The following BRD10 variants were observed in gnomAD, a reference collection of about 807,000 sequenced individuals.
BRD10 encodes the protein uncharacterized bromodomain-containing protein 10.
At chr9:5,986,775 T>G in the BRD10 span, among the ~76,000 whole-genome samples, 2 of 152,234 alleles carry the variant, frequency 1.3e-5, no homozygotes, top group Non-Finnish European at 2.9e-5. Context: ...TATTCTCCCA[T>G]GTTTATTTGA....
At chr9:5,938,922 GCTTA>G in the BRD10 span, among the ~76,000 whole-genome samples, 1 of 152,034 alleles carries the variant, frequency 6.6e-6, no homozygotes, top group Non-Finnish European at 1.5e-5. Context: ...AGTAATTAGG[GCTTA>G]CTGAGAACTC....
the BRD10 span, among the ~76,000 whole-genome samples, chr9:5,997,980 A>G: frequency 1.1e-4 from 16 of 152,340 alleles, no homozygotes; most frequent in East Asian, 2.7e-3. Context: ...AAGTGGTAAC[A>G]ATAGAAAGAA....
the BRD10 span, among the ~76,000 whole-genome samples, chr9:5,914,440 T>TTTG: frequency 2.1e-5 from 2 of 96,648 alleles, no homozygotes; most frequent in Non-Finnish European, 2.3e-5. Context: ...TTTTTTTTTT[T>TTTG]TGAGACGGAG....
At chr9:5,897,550 G>C in the BRD10 span, 2 of 1,613,064 alleles carry the variant, frequency 1.2e-6, no homozygotes, top group African/African-American at 1.3e-5. Flanking sequence ...TCTATCTCTT[G>C]GGCCAGGGCC....
the BRD10 span, among the ~76,000 whole-genome samples, chr9:6,005,440 G>C: frequency 6.6e-6 from 1 of 152,214 alleles, no homozygotes; most frequent in African/African-American, 2.4e-5. Context: ...GGGAGGCGGA[G>C]GTTGCAGTGA....
At chr9:6,007,416 C>T in the BRD10 span, 1 of 1,607,506 alleles carries the variant, frequency 6.2e-7, no homozygotes, top group African/African-American at 1.3e-5. Context: ...CGCGACCGCC[C>T]CGGCCCCCGC....
At chr9:5,981,647 T>TCTATCTAA in the BRD10 span, among the ~76,000 whole-genome samples, 165 of 150,830 alleles carry the variant, frequency 1.1e-3, 30 homozygotes, top group Admixed American at 2.4e-3. Context: ...TATCTATCTA[T>TCTATCTAA]TTTAATCTAT....
chr9:5,956,354 G>C, the BRD10 span, among the ~76,000 whole-genome samples: 37 of 152,094 alleles, frequency 2.4e-4, no homozygotes, highest in African/African-American at 8.4e-4. Flanking sequence ...GGAAATTGGA[G>C]GTAATGTTAC....
the BRD10 span, among the ~76,000 whole-genome samples, chr9:5,892,182 C>G: frequency 6.6e-6 from 1 of 152,190 alleles, no homozygotes; most frequent in African/African-American, 2.4e-5. Context: ...CAAATAATAA[C>G]TCAACTTGCA....
chr9:5,958,522 C>A, the BRD10 span, among the ~76,000 whole-genome samples: 4 of 152,156 alleles, frequency 2.6e-5, no homozygotes, highest in African/African-American at 9.7e-5. Context: ...GTGATCCCAG[C>A]TCGCCTGTGG....
At chr9:5,938,872 G>C in the BRD10 span, among the ~76,000 whole-genome samples, 1 of 152,026 alleles carries the variant, frequency 6.6e-6, no homozygotes, top group Non-Finnish European at 1.5e-5. Flanking sequence ...CTAATTTTAA[G>C]AATAATTTAG....
chr9:5,982,102 G>C, the BRD10 span, among the ~76,000 whole-genome samples: 201 of 152,066 alleles, frequency 1.3e-3, no homozygotes, highest in African/African-American at 4.7e-3. Context: ...GAAGGTTAAA[G>C]ACATGCAAAA....
chr9:5,900,772 A>C, the BRD10 span, among the ~76,000 whole-genome samples: 1 of 152,354 alleles, frequency 6.6e-6, no homozygotes, highest in South Asian at 2.1e-4. Context: ...TAGCAACAGG[A>C]AGTGGGAAAT....
At chr9:6,001,717 A>C in the BRD10 span, among the ~76,000 whole-genome samples, 2 of 152,216 alleles carry the variant, frequency 1.3e-5, no homozygotes, top group African/African-American at 4.8e-5. Context: ...AACCTAGCTC[A>C]AAAACTACAA....
chr9:5,968,077 C>A, the BRD10 span: 3 of 1,558,710 alleles, frequency 1.9e-6, no homozygotes, highest in South Asian at 1.2e-5. Flanking sequence ...TATTCTGGAT[C>A]TCAGGTTTGT....
the BRD10 span, chr9:6,007,125 C>A: frequency 6.7e-7 from 1 of 1,494,232 alleles, no homozygotes; most frequent in Non-Finnish European, 9.2e-7. Context: ...TGGCCCAGCC[C>A]ATCCTCGGGC....
chr9:5,920,023 C>T, the BRD10 span: 1 of 1,613,958 alleles, frequency 6.2e-7, no homozygotes, highest in East Asian at 2.2e-5. Flanking sequence ...GAACAGGAAC[C>T]TTAGCAGTTG....
chr9:5,897,805 T>C, the BRD10 span: 1 of 710,502 alleles, frequency 1.4e-6, no homozygotes, highest in Non-Finnish European at 2.5e-6. Flanking sequence ...CATTGTACTT[T>C]GGCAACTCTA....
the BRD10 span, among the ~76,000 whole-genome samples, chr9:5,906,358 GAAAAA>G: frequency 6.8e-6 from 1 of 148,112 alleles, no homozygotes; most frequent in Non-Finnish European, 1.5e-5. Context: ...GAAAAGAAAA[GAAAAA>G]AAAAGTTTTT....
Sources: gnomAD v4.1 joint callset for allele counts (sites outside exome capture counted in the v4.1 genomes callset) on GRCh38, gnomAD v4.1.1 for gene constraint, MANE v1.5 for transcripts, NCBI Gene and HGNC (gene_info 2026-07-23, HGNC 2026-07-21) for gene names.